The following ETFB variants were observed in gnomAD, a reference collection of about 807,000 sequenced individuals.
ETFB encodes beta-ETF.
Under a neutral mutation model 25.6 loss-of-function variants are expected in ETFB, and 20 were observed. That is an observed-to-expected ratio of 0.78 (90% CI 0.55 to 1.14). The LOEUF is 1.14. ETFB is among the 50% of genes most tolerant of loss of function. ETFB has a pLI of 0.00. For synonymous variants in ETFB, 142 were observed against 146.7 expected (o/e 0.97, Z 0.23); for missense variants, 286 against 342.6 (o/e 0.83, Z 1.30).
In ETFB at chr19:51,366,349, G is replaced by T; in HGVS notation, c.-23C>A. ...CATCTTCCCGCCGCAGCCACTTACA[G>T]GGTCAGCCCGCACCCTCAGCGGCTC... On this transcript the variant is annotated 5_prime_UTR_variant, in exon 1 of 6. The change creates a new upstream start codon in the 5' untranslated region. Transcript: ENST00000309244. 1 of 1,611,206 alleles carries T rather than the reference G, an allele frequency of 6.2e-7. No homozygotes were observed. Among genetic ancestry groups the T allele is most frequent in the East Asian group, 2.2e-5 (1 of 44,828 alleles).
intron 1 of ETFB, chr19:51,356,263 T>G (rs2123595617): frequency 6.6e-6 from 1 of 152,264 alleles, no homozygotes; most frequent in South Asian, 2.1e-4. Flanking sequence ...TTTAATTCTC[T>G]TGGTTGTGAA....
At chr19:51,359,836 A>AT (rs1275514986) in intron 1 of ETFB, among the ~76,000 whole-genome samples, 1 of 151,984 alleles carries the variant, frequency 6.6e-6, no homozygotes, top group Non-Finnish European at 1.5e-5. Flanking sequence ...CCTGGGCAAC[A>AT]TAGAGAGACT....
At chr19:51,352,077 G>A (rs1443512078) in intron 3 of ETFB, among the ~76,000 whole-genome samples, 3 of 152,000 alleles carry the variant, frequency 2.0e-5, no homozygotes, top group Admixed American at 1.3e-4. Context: ...TCTCCTGGGG[G>A]AACAGATGAG....
At chr19:51,355,025 A>C in intron 1 of ETFB, 1 of 235,762 alleles carries the variant, frequency 4.2e-6, no homozygotes, top group South Asian at 6.1e-5. Flanking sequence ...TAGATAACGG[A>C]GAGTTATGCA....
chr19:51,356,116 ATTT>A (rs66679413), intron 1 of ETFB: 28 of 148,556 alleles, frequency 1.9e-4, no homozygotes, highest in African/African-American at 7.0e-4. Context: ...TAAATAAATA[ATTT>A]TTTAAAAAAA....
intron 3 of ETFB, among the ~76,000 whole-genome samples, chr19:51,351,452 T>C (rs1000074409): frequency 2.6e-5 from 4 of 152,240 alleles, no homozygotes; most frequent in Non-Finnish European, 5.9e-5. Context: ...ATCTGCTTCC[T>C]AGAACAAACA....
rs754119769 is a variant in ETFB, at chr19:51,350,414, CTG to C, written c.376-25_376-24del. ...GGCCTGAATGGGGAGAGACAGAAGACTGTATGACAATCAGTGGAGCTCATGGA... is the reference window on the plus strand; with the variant it reads ...GGCCTGAATGGGGAGAGACAGAAGACTATGACAATCAGTGGAGCTCATGGA... On this transcript the variant is annotated intron_variant, in intron 3 of 5. Coordinates refer to ENST00000309244, the MANE Select transcript of ETFB (RefSeq NM_001985.3). The C allele has an allele frequency of 2.4e-6, 3 of 1,241,128 alleles. No individual in the cohort carries two copies. The African/African-American group carries it at 4.4e-5, about 18-fold the overall frequency. 76.9% of individuals were successfully genotyped at this position (1,241,128 alleles called of 1,614,324 possible).
chr19:51,357,478 T>TTCC (rs1340410866), intron 1 of ETFB, among the ~76,000 whole-genome samples: 1 of 105,380 alleles, frequency 9.5e-6, no homozygotes, highest in African/African-American at 3.5e-5. Flanking sequence ...ACAATCCTTT[T>TTCC]TTTCTTTCTT....
chr19:51,356,020 C>T, intron 1 of ETFB: 1 of 151,096 alleles, frequency 6.6e-6, no homozygotes, highest in East Asian at 1.9e-4. Flanking sequence ...TGCAGCACAC[C>T]AACATGGCAC....
At chr19:51,354,738 GT>G in intron 1 of ETFB, 3 of 1,409,460 alleles carry the variant, frequency 2.1e-6, no homozygotes, top group Non-Finnish European at 2.9e-6. Context: ...ACAGTTAAGG[GT>G]GGTCCTCAGA....
intron 1 of ETFB, among the ~76,000 whole-genome samples, chr19:51,358,156 T>G (rs1026912701): frequency 5.3e-5 from 8 of 152,228 alleles, no homozygotes; most frequent in African/African-American, 1.9e-4. Flanking sequence ...TTCTCCCATG[T>G]GGCCGCCACC....
At chr19:51,345,418 A>C (rs1268261278) in intron 5 of ETFB, 37 bp from the exon 6 acceptor site, 1 of 1,606,478 alleles carries the variant, frequency 6.2e-7, no homozygotes, top group Admixed American at 1.7e-5. Flanking sequence ...GGGCTGTGGA[A>C]CTCCTGCCAC....
chr19:51,364,294 A>G (rs917175163), intron 1 of ETFB, among the ~76,000 whole-genome samples: 1 of 152,166 alleles, frequency 6.6e-6, no homozygotes, highest in African/African-American at 2.4e-5. Flanking sequence ...GCAGGGTCTG[A>G]ATCATTTATT....
rs758561924 is a variant in ETFB, at chr19:51,353,147, C to A, written c.360G>T (p.Val120=). Residue 120 remains valine (V), a synonymous_variant, in exon 3 of 6, where the codon GTG becomes GTT. Transcript: ENST00000309244. ...KLAEKEKVDL[V]LLGKQAIDDD... Reference sequence around the variant, plus strand: ...CCACAGCTACCTGTTTGCCCAGCAGCACCAGGTCCACCTTCTCCTTCTCTG... The same window carrying A: ...CCACAGCTACCTGTTTGCCCAGCAGAACCAGGTCCACCTTCTCCTTCTCTG... The A allele has an allele frequency of 6.2e-7, 1 of 1,614,088 alleles. No homozygotes were observed. Among genetic ancestry groups the A allele is most frequent in the East Asian group, 2.2e-5 (1 of 44,880 alleles).
intron 1 of ETFB, among the ~76,000 whole-genome samples, chr19:51,364,945 T>C (rs1479376787): frequency 2.0e-5 from 3 of 152,078 alleles, no homozygotes; most frequent in Admixed American, 6.5e-5. Context: ...TCCCAGCACT[T>C]TGGGGGGCCG....
intron 1 of ETFB, chr19:51,354,569 C>T (rs1214662927): frequency 6.2e-7 from 1 of 1,614,096 alleles, no homozygotes; most frequent in Non-Finnish European, 8.5e-7. Flanking sequence ...GTTGTCACTG[C>T]TCCTCTCAGG....
intron 1 of ETFB, chr19:51,356,116 A>AT (rs66679413): frequency 1.3e-5 from 2 of 148,466 alleles, no homozygotes; most frequent in East Asian, 1.9e-4. Context: ...TAAATAAATA[A>AT]TTTTTTAAAA....
At chr19:51,347,206 A>C in intron 4 of ETFB, 148 bp from the exon 5 acceptor site, 1 of 772,294 alleles carries the variant, frequency 1.3e-6, no homozygotes, top group Non-Finnish European at 2.2e-6. Context: ...TTTAGAATCG[A>C]GCTTGTACAC....
intron 4 of ETFB, chr19:51,347,568 C>G (rs567710940): frequency 6.1e-6 from 1 of 162,620 alleles, no homozygotes; most frequent in East Asian, 1.8e-4. Context: ...GTGTCCACAC[C>G]AGTCCTTAAA....
Sources: allele counts gnomAD v4.1 joint callset (sites outside exome capture counted in the v4.1 genomes callset), GRCh38; gene constraint gnomAD v4.1.1; transcripts MANE v1.5; gene names NCBI Gene and HGNC (gene_info 2026-07-23, HGNC 2026-07-21).